Variants in STARD13 observed in about 807,000 individuals in gnomAD.
STARD13 encodes stAR-related lipid transfer protein 13.
In STARD13, 62 loss-of-function variants were observed where a neutral mutation model predicts 106.4. The ratio of observed to expected loss-of-function variants is 0.58; its 90% CI spans 0.48 to 0.72. The LOEUF is 0.72. STARD13 is among the 30% of genes least tolerant of loss of function. STARD13 has a pLI of 0.00. For missense variants in STARD13, 1,387 were observed against 1,424.0 expected, an observed-to-expected ratio of 0.97 and a Z score of 0.42; for synonymous variants, 565 against 553.0, an observed-to-expected ratio of 1.02 and a Z score of -0.31.
rs138638550 is a variant in STARD13, at chr13:33,229,393, A to G, written c.169+56077T>C. On this transcript the variant is annotated intron_variant, in intron 1 of 13. Coordinates refer to ENST00000336934, the MANE Select transcript of STARD13 (RefSeq NM_178006.4). ...GAGGGCAACTTAAAGCAAAACACTT[A>G]ACATATTCGATTTGCCAGGACAACC... Among the ~76,000 whole-genome samples, 439 of 152,340 alleles carry G rather than the reference A, an allele frequency of 2.9e-3. 6 individuals carry two copies. The highest frequency in any genetic ancestry group is 0.01 in the African/African-American group (427 of 41,570).
At chr13:33,512,182 A>G in the STARD13 span, among the ~76,000 whole-genome samples, 1 of 152,198 alleles carries the variant, frequency 6.6e-6, no homozygotes, top group Non-Finnish European at 1.5e-5. Context: ...TTGTAAATAA[A>G]GGTTACACAG....
At chr13:33,310,805 C>A (rs958772920) in intron 1 of STARD13, among the ~76,000 whole-genome samples, 1 of 151,930 alleles carries the variant, frequency 6.6e-6, no homozygotes, top group African/African-American at 2.4e-5. Flanking sequence ...CATCATTGTG[C>A]GAGCATCACA....
intron 1 of STARD13, among the ~76,000 whole-genome samples, chr13:33,315,255 G>A (rs900827975): frequency 6.6e-6 from 1 of 152,094 alleles, no homozygotes; most frequent in African/African-American, 2.4e-5. Context: ...AAAGCTCCTG[G>A]CAAAATCTCA....
chr13:33,519,423 C>T, the STARD13 span, among the ~76,000 whole-genome samples: 1 of 151,290 alleles, frequency 6.6e-6, no homozygotes, highest in Non-Finnish European at 1.5e-5. Flanking sequence ...CTCCTGACCT[C>T]AAGTGATCCA....
At chr13:33,342,369 T>A (rs540262435) in intron 1 of STARD13, among the ~76,000 whole-genome samples, 1 of 152,330 alleles carries the variant, frequency 6.6e-6, no homozygotes, top group African/African-American at 2.4e-5. Context: ...GGAGTGCTCA[T>A]GCTAAAAACA....
chr13:33,543,908 G>C, the STARD13 span, among the ~76,000 whole-genome samples: 58 of 152,310 alleles, frequency 3.8e-4, no homozygotes, highest in South Asian at 0.012. Context: ...GTGATACTAA[G>C]CCTGCACAAG....
chr13:33,367,186 A>T, the STARD13 span, among the ~76,000 whole-genome samples: 11 of 152,256 alleles, frequency 7.2e-5, no homozygotes, highest in Non-Finnish European at 1.6e-4. Context: ...GTCAGAGATG[A>T]GCTTTATCAT....
At chr13:33,648,128 C>T in the STARD13 span, among the ~76,000 whole-genome samples, 1 of 152,074 alleles carries the variant, frequency 6.6e-6, no homozygotes, top group Non-Finnish European at 1.5e-5. Flanking sequence ...ACATGACAAA[C>T]AAGTACATTA....
chr13:33,490,782 G>T, the STARD13 span, among the ~76,000 whole-genome samples: 1 of 152,212 alleles, frequency 6.6e-6, no homozygotes, highest in Non-Finnish European at 1.5e-5. Context: ...CTCTGCCCTT[G>T]CGAAAAGGCA....
the STARD13 span, among the ~76,000 whole-genome samples, chr13:33,487,191 T>C: frequency 6.6e-6 from 1 of 152,224 alleles, no homozygotes; most frequent in Admixed American, 6.5e-5. Flanking sequence ...ATCATCCATG[T>C]AAAGCTCTTA....
intron 1 of STARD13, among the ~76,000 whole-genome samples, chr13:33,313,349 C>T (rs907643929): frequency 3.9e-5 from 6 of 152,132 alleles, no homozygotes; most frequent in Non-Finnish European, 8.8e-5. Flanking sequence ...AGCCACCAAT[C>T]CCATTAAATA....
At chr13:33,332,946 C>T (rs1005165756) in intron 1 of STARD13, among the ~76,000 whole-genome samples, 2 of 151,722 alleles carry the variant, frequency 1.3e-5, no homozygotes, top group African/African-American at 2.4e-5. Flanking sequence ...TTGCAATCTT[C>T]GTAAAAATAA....
chr13:33,625,948 C>T, the STARD13 span, among the ~76,000 whole-genome samples: 1 of 152,146 alleles, frequency 6.6e-6, no homozygotes, highest in Non-Finnish European at 1.5e-5. Context: ...GATCCGTGTG[C>T]CTTGGCCTCC....
chr13:33,431,020 GT>G, the STARD13 span, among the ~76,000 whole-genome samples: 1 of 152,138 alleles, frequency 6.6e-6, no homozygotes, highest in Admixed American at 6.5e-5. Flanking sequence ...GGTGGCTATA[GT>G]TTACAATAAT....
the STARD13 span, among the ~76,000 whole-genome samples, chr13:33,454,536 G>T: frequency 6.6e-6 from 1 of 152,182 alleles, no homozygotes; most frequent in African/African-American, 2.4e-5. Context: ...GGCAAAAAAA[G>T]ATTTAATAAA....
intron 8 of STARD13, among the ~76,000 whole-genome samples, chr13:33,116,134 C>CCCAGCG (rs1306222750): frequency 1.3e-5 from 2 of 152,232 alleles, no homozygotes; most frequent in African/African-American, 2.4e-5. Context: ...CCTTTATGGC[C>CCCAGCG]CCAGCGTCAT....
chr13:33,360,724 G>GGATTCCTTCTGTCTA, the STARD13 span, among the ~76,000 whole-genome samples: 3 of 137,948 alleles, frequency 2.2e-5, no homozygotes, highest in Admixed American at 7.0e-5. Flanking sequence ...GTAGACAGAA[G>GGATTCCTTCTGTCTA]GACATATTGT....
chr13:33,354,744 T>A (rs538650602), upstream of STARD13, among the ~76,000 whole-genome samples: 31 of 152,158 alleles, frequency 2.0e-4, no homozygotes, highest in African/African-American at 7.2e-4. Flanking sequence ...ATTATCACTC[T>A]TTTCTTATAT....
At chr13:33,107,374 C>G (rs964883068) in intron 12 of STARD13, among the ~76,000 whole-genome samples, 14 of 152,150 alleles carry the variant, frequency 9.2e-5, no homozygotes, top group Admixed American at 4.6e-4. Context: ...TACTGACACT[C>G]TAAACAGAAT....
Sources: allele counts gnomAD v4.1 joint callset (sites outside exome capture counted in the v4.1 genomes callset), GRCh38; gene constraint gnomAD v4.1.1; transcripts MANE v1.5; gene names NCBI Gene and HGNC (gene_info 2026-07-23, HGNC 2026-07-21).